The following SNPH variants were observed in gnomAD, a reference collection of about 807,000 sequenced individuals.
The protein encoded by SNPH is syntaphilin.
A neutral mutation model predicts 36.8 loss-of-function variants in SNPH; 10 were observed. The ratio of observed to expected loss-of-function variants is 0.27; its 90% CI spans 0.17 to 0.46. The LOEUF is 0.46. SNPH is among the 20% of genes least tolerant of loss of function. SNPH has a pLI of 1.00. For synonymous variants in SNPH, 281 were observed against 312.2 expected (o/e 0.90, Z 1.05); for missense variants, 622 against 744.0 (o/e 0.84, Z 1.91).
At chr20:1,283,582 T>C (rs1157119328) in intron 2 of SNPH, among the ~76,000 whole-genome samples, 1 of 152,212 alleles carries the variant, frequency 6.6e-6, no homozygotes, top group East Asian at 1.9e-4. Context: ...AACATGGATT[T>C]TAAAAAAATA....
intron 2 of SNPH, among the ~76,000 whole-genome samples, chr20:1,267,787 G>T (rs919237304): frequency 6.6e-6 from 1 of 152,184 alleles, no homozygotes; most frequent in South Asian, 2.1e-4. Flanking sequence ...CATTGACCTT[G>T]TGGGCCTCAA....
chr20:1,298,476 C>G (rs1293934796), intron 5 of SNPH, among the ~76,000 whole-genome samples: 2 of 152,158 alleles, frequency 1.3e-5, no homozygotes, highest in African/African-American at 4.8e-5. Context: ...GGACTCATGC[C>G]CCAGCATCCT....
At chr20:1,279,618 C>CTTTTTTTTTTTTT (rs1162325274) in intron 2 of SNPH, among the ~76,000 whole-genome samples, 18 of 123,084 alleles carry the variant, frequency 1.5e-4, no homozygotes, top group South Asian at 5.5e-4. Flanking sequence ...ACTCCGGCTT[C>CTTTTTTTTTTTTT]TTTTTTTTTT....
At chr20:1,298,679 CACA>C (rs967834431) in intron 5 of SNPH, among the ~76,000 whole-genome samples, 2 of 152,168 alleles carry the variant, frequency 1.3e-5, no homozygotes, top group African/African-American at 4.8e-5. Flanking sequence ...TCTTCTTCCC[CACA>C]ACAAGGGTTG....
intron 2 of SNPH, among the ~76,000 whole-genome samples, chr20:1,286,834 G>C (rs537704478): frequency 2.0e-5 from 3 of 152,140 alleles, no homozygotes; most frequent in African/African-American, 4.8e-5. Context: ...CTCAGGCTGG[G>C]TGGGGGCTTT....
chr20:1,299,100 C>A (rs1399671570), intron 5 of SNPH, among the ~76,000 whole-genome samples: 1 of 151,992 alleles, frequency 6.6e-6, no homozygotes, highest in Non-Finnish European at 1.5e-5. Context: ...ACCTAGGGGC[C>A]ATGACGTGAG....
chr20:1,306,408 G>T lies in SNPH; in HGVS notation c.*354G>T. 4.8e-6 allele frequency: 1 copy of T among 208,306 alleles called. No individual in the cohort carries two copies. The highest frequency in any genetic ancestry group is 9.4e-6 in the Non-Finnish European group (1 of 106,316). 12.9% of individuals were successfully genotyped at this position (208,306 alleles called of 1,614,324 possible). ...TGGCTGTCTTCATGTGGGGAAGCCG[G>T]GCTTGAGTTGCCCATAGGCCCCTGC... On this transcript the variant is annotated 3_prime_UTR_variant, in exon 7 of 7. Coordinates refer to ENST00000381867, the MANE Select transcript of SNPH (RefSeq NM_001318234.2).
chr20:1,280,844 C>T lies in SNPH; in HGVS notation c.-493+14084C>T, dbSNP rs533816508. Reference sequence around the variant, plus strand: ...CTAAGCCTCGATTTCGAATCCAGCTCTGTTCCTAGCACCTGGGAAGACTCC... The same window carrying T: ...CTAAGCCTCGATTTCGAATCCAGCTTTGTTCCTAGCACCTGGGAAGACTCC... On this transcript the variant is annotated intron_variant, in intron 2 of 6. Coordinates refer to ENST00000381867, the MANE Select transcript of SNPH (RefSeq NM_001318234.2). Among the ~76,000 whole-genome samples, 7 of 152,300 alleles carry T rather than the reference C, an allele frequency of 4.6e-5. No individual in the cohort carries two copies. The South Asian group carries it at 1.4e-3, about 32-fold the overall frequency.
rs893005538 is a variant in SNPH at position 1,266,654 on chromosome 20, G to T, written c.-599G>T. ...CTATCTCTTTTTCCTAACCCCGCAG[G>T]TCGCTGATCAGGGCCAGGCGGCTGC... On this transcript the variant is annotated splice_region_variant and 5_prime_UTR_variant, in exon 2 of 7. Transcript: ENST00000381867. The surrounding 1 kb of genome is among the most constrained non-coding windows in gnomAD (Gnocchi z 6.0). 2 of 1,489,126 alleles carry T rather than the reference G, an allele frequency of 1.3e-6. No homozygotes were observed. The highest frequency in any genetic ancestry group is 1.8e-6 in the Non-Finnish European group (2 of 1,122,152). The allele number at this position is 1,489,126 out of a possible 1,614,324, so 92.2% of individuals were successfully genotyped here. A position where few individuals can be genotyped will look rare whatever the true frequency, so the allele number is the denominator to read the frequency against.
rs551613509 is a variant in SNPH at position 1,288,889 on chromosome 20, T to C, written c.-492-6062T>C. 4.6e-5 allele frequency among the ~76,000 whole-genome samples: 7 copies of C among 152,284 alleles called. No individual in the cohort carries two copies. In the South Asian group the frequency reaches 1.5e-3, roughly 32 times the overall value. ...CGCCCACCTCGGCCTCCCAAAGTGC[T>C]GGGATTACAGGTGTGAGCCACCGTG... On this transcript the variant is annotated intron_variant, in intron 2 of 6. Coordinates refer to ENST00000381867, the MANE Select transcript of SNPH (RefSeq NM_001318234.2).
intron 2 of SNPH, among the ~76,000 whole-genome samples, chr20:1,277,661 TGTGTGTGTCC>T (rs1600247077): frequency 1.3e-5 from 2 of 149,954 alleles, no homozygotes; most frequent in East Asian, 3.9e-4. Context: ...TCTGTGTATC[TGTGTGTGTCC>T]GTGTGTGTCC....
Position 1,305,409 on chromosome 20 carries a change from C to T in SNPH, c.972C>T (p.Ser324=), listed in dbSNP as rs758363052. ...CCGAGGAGACCTCGCTGCACAGCTC[C>T]TTCGGCCTGGGCCCCCGCTTCCCTG... ...CGTEETSLHS[S]FGLGPRFPAS... Residue 324 remains serine (S), a synonymous_variant, in exon 7 of 7, where the codon TCC becomes TCT. Coordinates refer to ENST00000381867, the MANE Select transcript of SNPH (RefSeq NM_001318234.2). 6.2e-6 allele frequency: 10 copies of T among 1,613,080 alleles called. No homozygotes were observed. The highest frequency in any genetic ancestry group is 8.5e-6 in the Non-Finnish European group (10 of 1,180,020).
chr20:1,295,768 C>A lies in SNPH; in HGVS notation c.-464-8C>A, dbSNP rs1197565211. Reference sequence around the variant, plus strand: ...CTGGTACGTTGGTCTGTCTTGTCTCCCCTGTAGACGGGAAGCCCCGAACCA... The same window carrying A: ...CTGGTACGTTGGTCTGTCTTGTCTCACCTGTAGACGGGAAGCCCCGAACCA... On this transcript the variant is annotated splice_polypyrimidine_tract_variant and splice_region_variant and intron_variant, in intron 3 of 6. Coordinates refer to ENST00000381867, the MANE Select transcript of SNPH (RefSeq NM_001318234.2). The A allele has an allele frequency of 6.2e-6, 1 of 161,076 alleles. No individual in the cohort carries two copies. Among genetic ancestry groups the A allele is most frequent in the African/African-American group, 2.4e-5 (1 of 41,768 alleles). 10.0% of individuals were successfully genotyped at this position (161,076 alleles called of 1,614,324 possible).
Position 1,304,661 on chromosome 20 carries a change from G to A in SNPH, c.441-217G>A, listed in dbSNP as rs558536366. On this transcript the variant is annotated intron_variant, in intron 6 of 6. Transcript: ENST00000381867. This position sits in a 1 kb window ranked among gnomAD's most constrained non-coding sequence, Gnocchi z 4.3. ...AACCTTTCTTCTCTCTCCAGGCAGA[G>A]GCTTCTCCTGTCTTCACCCCTCAGC... is the stretch of plus-strand genomic sequence containing the variant. 4.0e-4 allele frequency among the ~76,000 whole-genome samples: 61 copies of A among 152,170 alleles called. No homozygotes were observed. The highest frequency in any genetic ancestry group is 7.2e-4 in the Non-Finnish European group (49 of 68,010).
intron 2 of SNPH, among the ~76,000 whole-genome samples, chr20:1,281,660 C>T (rs142978282): frequency 2.4e-4 from 36 of 152,352 alleles, no homozygotes; most frequent in African/African-American, 8.2e-4. Context: ...AACTATGCAC[C>T]TGTCCTCCAG....
At chr20:1,296,953 C>T in intron 4 of SNPH, 192 bp from the exon 5 acceptor site, 2 of 736,040 alleles carry the variant, frequency 2.7e-6, no homozygotes, top group Non-Finnish European at 3.3e-6. Flanking sequence ...CAGCCTTCTT[C>T]TGGTTTTCCA....
At chr20:1,291,939 A>G (rs1397419347) in intron 2 of SNPH, among the ~76,000 whole-genome samples, 2 of 152,214 alleles carry the variant, frequency 1.3e-5, no homozygotes, top group Non-Finnish European at 2.9e-5. Flanking sequence ...TGAGACCCGA[A>G]AGTCCTAGTA....
At chr20:1,293,996 G>A (rs936563914) in intron 2 of SNPH, among the ~76,000 whole-genome samples, 1 of 152,194 alleles carries the variant, frequency 6.6e-6, no homozygotes, top group African/African-American at 2.4e-5. Flanking sequence ...ACACTGGCTT[G>A]GAAGAGCCCA....
At chr20:1,272,360 GT>G (rs2088082991) in intron 2 of SNPH, among the ~76,000 whole-genome samples, 2 of 152,328 alleles carry the variant, frequency 1.3e-5, no homozygotes, top group Admixed American at 1.3e-4. Flanking sequence ...GTCAAATGTA[GT>G]TGTCTACAAA....
Sources: allele counts gnomAD v4.1 joint callset (sites outside exome capture counted in the v4.1 genomes callset), GRCh38; gene constraint gnomAD v4.1.1; non-coding constraint Gnocchi (gnomAD v3.1); transcripts MANE v1.5; gene names NCBI Gene and HGNC (gene_info 2026-07-23, HGNC 2026-07-21).